Variants in STARD6 observed in about 807,000 individuals in gnomAD.
STARD6 encodes the protein stAR-related lipid transfer protein 6.
Under a neutral mutation model 22.3 loss-of-function variants are expected in STARD6, and 21 were observed. The observed-to-expected ratio is 0.94, with a 90% confidence interval of 0.67 to 1.35. STARD6 has a LOEUF of 1.35. STARD6 is among the 40% of genes most tolerant of loss of function. The pLI, the probability that STARD6 is intolerant of heterozygous loss-of-function variation, is 0.00. For missense variants in STARD6, 269 were observed against 266.9 expected (o/e 1.01, Z -0.05); for synonymous variants, 80 against 88.1 (o/e 0.91, Z 0.52).
intron 4 of STARD6, among the ~76,000 whole-genome samples, chr18:54,348,304 T>C (rs2089058061): frequency 6.6e-6 from 1 of 152,154 alleles, no homozygotes; most frequent in Non-Finnish European, 1.5e-5. Context: ...GTGGTAATGA[T>C]GGTGGTAATA....
chr18:54,341,153 G>A (rs2088965041), intron 4 of STARD6, among the ~76,000 whole-genome samples: 1 of 152,150 alleles, frequency 6.6e-6, no homozygotes, highest in Admixed American at 6.5e-5. Context: ...TCCGCCTCCA[G>A]GGTTCACGCC....
chr18:54,337,227 T>C lies in STARD6; in HGVS notation c.165A>G (p.Pro55=), dbSNP rs2088923713. 6.2e-7 allele frequency: 1 copy of C among 1,613,376 alleles called. No individual in the cohort carries two copies. Among genetic ancestry groups the C allele is most frequent in the Non-Finnish European group, 8.5e-7 (1 of 1,179,702 alleles). Residue 55 remains proline, a synonymous_variant, in exon 5 of 8, where the codon CCA becomes CCG. Coordinates refer to ENST00000307844, the MANE Select transcript of STARD6 (RefSeq NM_139171.2). ...GNLYRVEGII[P]ESPAKLSDFL... ...AATCAGATAGTTTAGCTGGTGATTC[T>C]GGAATTATCCCTTCAACACGATATC...
chr18:54,355,617 G>C (rs1008358054), intron 2 of STARD6, among the ~76,000 whole-genome samples: 2 of 152,158 alleles, frequency 1.3e-5, no homozygotes, highest in African/African-American at 4.8e-5. Flanking sequence ...CTGGCACCCA[G>C]ATCTCAGACT....
chr18:54,351,980 CT>C (rs58821305), intron 4 of STARD6, among the ~76,000 whole-genome samples: 16,556 of 142,658 alleles, frequency 0.12, 3,246 homozygotes, highest in African/African-American at 0.41. Flanking sequence ...TGGAGGATTC[CT>C]TCTTTCTCTA....
chr18:54,336,477 C>G (rs893808923), intron 5 of STARD6, among the ~76,000 whole-genome samples: 1 of 152,180 alleles, frequency 6.6e-6, no homozygotes, highest in African/African-American at 2.4e-5. Flanking sequence ...CAATGCGGAA[C>G]TGTGTGTCAA....
chr18:54,334,012 C>T (rs570319011), intron 5 of STARD6, among the ~76,000 whole-genome samples: 1 of 152,236 alleles, frequency 6.6e-6, no homozygotes, highest in African/African-American at 2.4e-5. Context: ...TTTTTAAAAA[C>T]AGCTTATTGA....
chr18:54,339,549 A>T (rs1422429384), intron 4 of STARD6, among the ~76,000 whole-genome samples: 9 of 152,050 alleles, frequency 5.9e-5, no homozygotes, highest in African/African-American at 1.9e-4. Context: ...ATTAGAAACA[A>T]TGGAGGCCAG....
At chr18:54,339,789 G>C (rs970651154) in intron 4 of STARD6, among the ~76,000 whole-genome samples, 1 of 152,162 alleles carries the variant, frequency 6.6e-6, no homozygotes, top group Admixed American at 6.5e-5. Context: ...CAAATAAAGA[G>C]TTACAGTAAC....
chr18:54,330,873 C>T (rs898477686), intron 6 of STARD6, among the ~76,000 whole-genome samples: 1 of 152,010 alleles, frequency 6.6e-6, no homozygotes, highest in African/African-American at 2.4e-5. Context: ...TATATGTGCC[C>T]TCATTTCAAA....
chr18:54,347,340 TTATAAA>T (rs1481695372), intron 4 of STARD6, among the ~76,000 whole-genome samples: 6 of 152,140 alleles, frequency 3.9e-5, no homozygotes, highest in Non-Finnish European at 7.4e-5. Flanking sequence ...TATTTACTCA[TTATAAA>T]TATATTTCCT....
intron 2 of STARD6, among the ~76,000 whole-genome samples, chr18:54,354,820 C>T (rs1179305068): frequency 1.3e-5 from 2 of 152,116 alleles, no homozygotes; most frequent in Non-Finnish European, 2.9e-5. Context: ...GTCTCTGCCA[C>T]CTATTGTGTG....
At chr18:54,343,643 C>A (rs1317015425) in intron 4 of STARD6, among the ~76,000 whole-genome samples, 1 of 34,104 alleles carries the variant, frequency 2.9e-5, no homozygotes, top group East Asian at 9.0e-4. Context: ...CCCCTCTGCC[C>A]GGCCAGCCGC....
At chr18:54,347,277 ATAAAC>A (rs1347541574) in intron 4 of STARD6, among the ~76,000 whole-genome samples, 1 of 152,136 alleles carries the variant, frequency 6.6e-6, no homozygotes, top group Non-Finnish European at 1.5e-5. Context: ...AACGTATTTT[ATAAAC>A]TAGTCTTTAG....
At chr18:54,331,302 C>T (rs886794955) in intron 6 of STARD6, among the ~76,000 whole-genome samples, 2 of 151,974 alleles carry the variant, frequency 1.3e-5, no homozygotes, top group African/African-American at 2.4e-5. Context: ...ACATCAAAAC[C>T]GGCAGTTTCT....
At chr18:54,338,901 A>C (rs2088941766) in intron 4 of STARD6, among the ~76,000 whole-genome samples, 1 of 152,060 alleles carries the variant, frequency 6.6e-6, no homozygotes, top group African/African-American at 2.4e-5. Context: ...TACAAGAATT[A>C]GCTGGGCGTG....
At chr18:54,335,341 C>T (rs2088899451) in intron 5 of STARD6, among the ~76,000 whole-genome samples, 1 of 151,996 alleles carries the variant, frequency 6.6e-6, no homozygotes. Flanking sequence ...GTCACAGGCG[C>T]ATGCAACCAC....
At chr18:54,332,716 CTCACCAGTAGGTTGAAGAGGAGGCA>C (rs2088875250) in intron 5 of STARD6, among the ~76,000 whole-genome samples, 1 of 152,162 alleles carries the variant, frequency 6.6e-6, no homozygotes, top group Non-Finnish European at 1.5e-5. Context: ...GAATCTCTCC[CTCACCAGTAGGTTGAAGAGGAGGCA>C]GTTAAGACAC....
At chr18:54,332,513 G>T (rs1457461987) in intron 5 of STARD6, among the ~76,000 whole-genome samples, 1 of 152,180 alleles carries the variant, frequency 6.6e-6, no homozygotes, top group Non-Finnish European at 1.5e-5. Context: ...AGGAACTGGG[G>T]CTCACCCTAC....
chr18:54,344,473 G>T (rs866531526), intron 4 of STARD6, among the ~76,000 whole-genome samples: 1 of 95,336 alleles, frequency 1.0e-5, no homozygotes, highest in African/African-American at 4.5e-5. Flanking sequence ...GAAAACCAGA[G>T]ACCTTTGTTC....
Sources: allele counts gnomAD v4.1 joint callset (sites outside exome capture counted in the v4.1 genomes callset), GRCh38; gene constraint gnomAD v4.1.1; transcripts MANE v1.5; gene names NCBI Gene and HGNC (gene_info 2026-07-23, HGNC 2026-07-21).